The following TRAPPC11 variants were observed in gnomAD, a reference collection of about 807,000 sequenced individuals.
The protein encoded by TRAPPC11 is foie gras homolog.
In TRAPPC11, 104 loss-of-function variants were observed where a neutral mutation model predicts 151.2. The observed-to-expected ratio is 0.69, with a 90% CI of 0.59 to 0.81. The LOEUF is 0.81. Ranked by LOEUF, TRAPPC11 falls within the 30% of genes least tolerant of loss-of-function variation. TRAPPC11 has a pLI of 0.00. For synonymous variants in TRAPPC11, 456 were observed against 472.3 expected (o/e 0.97, Z 0.45); for missense variants, 1,230 against 1,349.6 (o/e 0.91, Z 1.39).
At chr4:183,699,552 C>G (rs1295242442) in intron 25 of TRAPPC11, among the ~76,000 whole-genome samples, 1 of 152,146 alleles carries the variant, frequency 6.6e-6, no homozygotes, top group South Asian at 2.1e-4. Flanking sequence ...GCTTGAACTT[C>G]TAGTATATTA....
rs151261351 is a variant in TRAPPC11 at position 183,711,948 on chromosome 4, G to A, written c.3358-652G>A. Among the ~76,000 whole-genome samples the A allele has an allele frequency of 5.3e-3, 743 of 140,672 alleles. 6 individuals are homozygous for A. The highest frequency in any genetic ancestry group is 0.02 in the African/African-American group (693 of 35,536). 92.3% of individuals were successfully genotyped at this position (140,672 alleles called of 152,430 possible). A position where few individuals can be genotyped will look rare whatever the true frequency, so the allele number is the denominator to read the frequency against. ...AAATTTTACAACTAAAAACAGTTAC[G>A]ATACCTTTTATTCATTCTTAGTCTT... On this transcript the variant is annotated intron_variant, in intron 29 of 29. Coordinates refer to ENST00000334690, the MANE Select transcript of TRAPPC11 (RefSeq NM_021942.6).
At chr4:183,695,603 A>G (rs1352590678) in intron 23 of TRAPPC11, among the ~76,000 whole-genome samples, 1 of 152,164 alleles carries the variant, frequency 6.6e-6, no homozygotes, top group Non-Finnish European at 1.5e-5. Flanking sequence ...TTAGTAGAAC[A>G]TTATGATATT....
chr4:183,710,532 C>T (rs367545121), intron 29 of TRAPPC11, among the ~76,000 whole-genome samples: 216 of 151,518 alleles, frequency 1.4e-3, no homozygotes, highest in Non-Finnish European at 1.5e-3. Context: ...GTGATCCTCC[C>T]GCCTCGGCCT....
intron 5 of TRAPPC11, among the ~76,000 whole-genome samples, chr4:183,669,947 C>T (rs1735070261): frequency 6.6e-6 from 1 of 152,214 alleles, no homozygotes; most frequent in Admixed American, 6.5e-5. Flanking sequence ...GTCAAAATAA[C>T]TGATGTAAAA....
chr4:183,698,092 T>G (rs561603939), intron 25 of TRAPPC11, among the ~76,000 whole-genome samples: 1 of 152,326 alleles, frequency 6.6e-6, no homozygotes, highest in Admixed American at 6.5e-5. Flanking sequence ...GAAAATGTAC[T>G]TCACAAAAAG....
intron 2 of TRAPPC11, among the ~76,000 whole-genome samples, chr4:183,666,002 T>C (rs1734862901): frequency 1.3e-5 from 2 of 151,644 alleles, no homozygotes; most frequent in African/African-American, 4.8e-5. Flanking sequence ...CATCGTTTTA[T>C]GCATTCAGTT....
At chr4:183,671,174 G>A (rs1285710439) in intron 5 of TRAPPC11, among the ~76,000 whole-genome samples, 2 of 152,104 alleles carry the variant, frequency 1.3e-5, no homozygotes, top group Admixed American at 6.6e-5. Flanking sequence ...CCCTGGAAGC[G>A]GTTTTCTAAT....
chr4:183,665,810 A>G (rs1734849119), intron 2 of TRAPPC11, among the ~76,000 whole-genome samples: 1 of 152,168 alleles, frequency 6.6e-6, no homozygotes, highest in South Asian at 2.1e-4. Flanking sequence ...TCACAGCAAT[A>G]TGTCTTTGAA....
At chr4:183,691,946 G>C (rs988714230) in intron 19 of TRAPPC11, among the ~76,000 whole-genome samples, 1 of 152,082 alleles carries the variant, frequency 6.6e-6, no homozygotes, top group African/African-American at 2.4e-5. Flanking sequence ...GATTGATATA[G>C]TATAGATAAT....
At chr4:183,700,345 G>T (rs1039904621) in intron 25 of TRAPPC11, among the ~76,000 whole-genome samples, 1 of 152,000 alleles carries the variant, frequency 6.6e-6, no homozygotes, top group Non-Finnish European at 1.5e-5. Flanking sequence ...TTTCACTGTT[G>T]TTATCTGTCC....
At chr4:183,681,293 T>C (rs1013793286) in intron 10 of TRAPPC11, among the ~76,000 whole-genome samples, 2 of 152,158 alleles carry the variant, frequency 1.3e-5, no homozygotes, top group South Asian at 4.1e-4. Context: ...TTAAAATGAA[T>C]GGATTTTTTT....
At chr4:183,699,585 A>G (rs961407297) in intron 25 of TRAPPC11, among the ~76,000 whole-genome samples, 2 of 152,190 alleles carry the variant, frequency 1.3e-5, no homozygotes, top group African/African-American at 4.8e-5. Flanking sequence ...TGCTGTAACA[A>G]ACTACCACAA....
intron 27 of TRAPPC11, among the ~76,000 whole-genome samples, chr4:183,706,504 A>G (rs185745704): frequency 4.0e-5 from 6 of 151,746 alleles, no homozygotes; most frequent in African/African-American, 1.5e-4. Flanking sequence ...GCCTGGGTGA[A>G]AGAGCGAGAC....
intron 3 of TRAPPC11, 143 bp downstream of exon 3, chr4:183,666,569 A>C: frequency 1.4e-6 from 1 of 735,936 alleles, no homozygotes; most frequent in Non-Finnish European, 2.2e-6. Flanking sequence ...TCACTTCCTC[A>C]CAGGTAGCAT....
chr4:183,663,736 G>GTTTGTT, intron 1 of TRAPPC11, 111 bp from the exon 2 acceptor site: 1 of 387,674 alleles, frequency 2.6e-6, no homozygotes, highest in Non-Finnish European at 4.5e-6. Flanking sequence ...AATATGAGTT[G>GTTTGTT]TTTTTTTTTT....
intron 25 of TRAPPC11, among the ~76,000 whole-genome samples, chr4:183,700,286 T>C (rs971245797): frequency 1.3e-5 from 2 of 152,184 alleles, no homozygotes; most frequent in African/African-American, 4.8e-5. Context: ...GTCTTTAACA[T>C]TACATAAAAA....
rs766694656 is a variant in TRAPPC11, at chr4:183,697,818, A to G, written c.2834A>G (p.Glu945Gly). The G allele has an allele frequency of 1.2e-6, 2 of 1,613,782 alleles. No individual in the cohort carries two copies. The highest frequency in any genetic ancestry group is 4.5e-5 in the East Asian group (2 of 44,872). ...TCCATGACCACAGTGGACCAGCTCG[A>G]GTCTCAAGTGGACAATGGTGAGTCT... ...APSMTTVDQL[E>G]SQVDNVILQT... The change falls in exon 25 of 30, where the codon GAG becomes GGG. Residue 945 changes from glutamate to glycine, a missense_variant. By Grantham distance (98) the Glu-to-Gly change is moderately conservative. Transcript: ENST00000334690.
rs79163864 is a variant in TRAPPC11 at position 183,677,249 on chromosome 4, C to T, written c.735-209C>T. Among the ~76,000 whole-genome samples, 3,478 of 152,246 alleles carry T rather than the reference C, an allele frequency of 0.023. 142 individuals carry two copies. The highest frequency in any genetic ancestry group is 0.079 in the African/African-American group (3,294 of 41,510). Reference sequence around the variant, plus strand: ...TGTTAATGACAGGAAGAACAACGCACATGTCATGGTTCTGTTCTTTATGAA... The same window carrying T: ...TGTTAATGACAGGAAGAACAACGCATATGTCATGGTTCTGTTCTTTATGAA... On this transcript the variant is annotated intron_variant, in intron 7 of 29. Transcript: ENST00000334690.
At chr4:183,689,791 C>CT (rs11430506) in intron 18 of TRAPPC11, among the ~76,000 whole-genome samples, 125,307 of 148,370 alleles carry the variant, frequency 0.84, 52,883 homozygotes, top group East Asian at 0.89. Context: ...CTTTTCTTTC[C>CT]TTTTTTTTTT....
Sources: allele counts gnomAD v4.1 joint callset (sites outside exome capture counted in the v4.1 genomes callset), GRCh38; gene constraint gnomAD v4.1.1; transcripts MANE v1.5; gene names NCBI Gene and HGNC (gene_info 2026-07-23, HGNC 2026-07-21).